DNAH9: variants seen among roughly 807,000 people sequenced by gnomAD.
The protein encoded by DNAH9 is dynein axonemal heavy chain 9.
A neutral mutation model predicts 471.6 loss-of-function variants in DNAH9; 345 were observed. The observed-to-expected ratio is 0.73, with a 90% CI of 0.67 to 0.80. The LOEUF (loss-of-function observed/expected upper bound fraction) is 0.80. Among genes scored for constraint, DNAH9 ranks in the 30% least tolerant of loss-of-function variants. DNAH9 has a pLI of 0.00. For synonymous variants in DNAH9, 2,093 were observed against 2,123.6 expected (o/e 0.99, Z 0.40); for missense variants, 5,407 against 5,609.2 (o/e 0.96, Z 1.15).
At chr17:11,837,659 A>G (rs146671937) in intron 49 of DNAH9, among the ~76,000 whole-genome samples, 1,808 of 152,318 alleles carry the variant, frequency 0.012, 31 homozygotes, top group African/African-American at 0.04. Flanking sequence ...TTTGTAAAAC[A>G]GGTGTTTGAC....
At chr17:11,648,280 C>T (rs1170701438) in intron 12 of DNAH9, among the ~76,000 whole-genome samples, 5 of 152,200 alleles carry the variant, frequency 3.3e-5, no homozygotes, top group African/African-American at 1.2e-4. Flanking sequence ...ACATTGCTTC[C>T]TCCTCTGCAA....
At chr17:11,828,600 A>G (rs1319743616) in intron 48 of DNAH9, among the ~76,000 whole-genome samples, 3 of 151,996 alleles carry the variant, frequency 2.0e-5, no homozygotes, top group Admixed American at 6.6e-5. Flanking sequence ...GACCAGCACT[A>G]CCCTTGCATA....
At chr17:11,721,257 T>C (rs1265096196) in intron 27 of DNAH9, among the ~76,000 whole-genome samples, 1 of 151,884 alleles carries the variant, frequency 6.6e-6, no homozygotes, top group Non-Finnish European at 1.5e-5. Context: ...TCTATCTTTG[T>C]TTTTTTTGTT....
chr17:11,639,202 G>T (rs973297069), intron 9 of DNAH9, among the ~76,000 whole-genome samples: 3 of 152,126 alleles, frequency 2.0e-5, no homozygotes, highest in African/African-American at 7.2e-5. Flanking sequence ...GGTCATTGGG[G>T]GTCATCTTAG....
At chr17:11,938,937 A>G (rs1567563841) in intron 66 of DNAH9, among the ~76,000 whole-genome samples, 1 of 152,196 alleles carries the variant, frequency 6.6e-6, no homozygotes. Context: ...CATTAGGTTT[A>G]CAAGTAAACA....
chr17:11,818,885 C>CTATTATTATTATTAT (rs140324358), intron 45 of DNAH9, among the ~76,000 whole-genome samples: 6 of 147,186 alleles, frequency 4.1e-5, no homozygotes, highest in African/African-American at 1.2e-4. Flanking sequence ...TCCATTATTA[C>CTATTATTATTATTAT]TATTATTATT....
chr17:11,942,303 G>A lies in DNAH9; in HGVS notation c.12661G>A (p.Val4221Ile), dbSNP rs774681469. Reference protein sequence around the residue: ...DGAGATREEKVKALLEEILER... With the variant: ...DGAGATREEKIKALLEEILER... ...CGCTGTGTTTCCTTCTGTGGGGCAG[G>A]TCAAGGCACTTCTGGAAGAAATATT... The change falls in exon 67 of 69, where the codon GTC becomes ATC. Residue 4221 changes from valine to isoleucine, a missense_variant and splice_region_variant. By Grantham distance (29) the Val-to-Ile change is conservative (BLOSUM62 3). Transcript: ENST00000262442. 3.1e-6 allele frequency: 5 copies of A among 1,613,748 alleles called. No individual in the cohort carries two copies. The Admixed American group carries it at 6.7e-5, about 22-fold the overall frequency.
chr17:11,911,291 A>G (rs1197721557), intron 61 of DNAH9, among the ~76,000 whole-genome samples: 2 of 152,190 alleles, frequency 1.3e-5, no homozygotes, highest in African/African-American at 4.8e-5. Flanking sequence ...TGAAAAGACT[A>G]TTCTTTCCCG....
At chr17:11,729,812 A>G (rs1294105296) in intron 28 of DNAH9, among the ~76,000 whole-genome samples, 1 of 152,096 alleles carries the variant, frequency 6.6e-6, no homozygotes, top group Non-Finnish European at 1.5e-5. Flanking sequence ...CTCATCCCAT[A>G]CCTTTTCACA....
At position 11,908,957 on chromosome 17, in the gene DNAH9, T is replaced by G. The variant is rs1351231779; in HGVS notation, c.11749+3148T>G. ...CTGGTTATGTCCTTATCTGGTTGCATGCAGTCTCTACTGATTAGGCAAACA... is the reference window on the plus strand; with the variant it reads ...CTGGTTATGTCCTTATCTGGTTGCAGGCAGTCTCTACTGATTAGGCAAACA... On this transcript the variant is annotated intron_variant, in intron 61 of 68. Transcript: ENST00000262442. Among the ~76,000 whole-genome samples, 15 of 152,238 alleles carry G rather than the reference T, an allele frequency of 9.9e-5. No individual in the cohort carries two copies. The East Asian group carries it at 2.9e-3, about 29-fold the overall frequency.
At chr17:11,741,442 AT>A (rs1161938098) in intron 29 of DNAH9, among the ~76,000 whole-genome samples, 3 of 151,966 alleles carry the variant, frequency 2.0e-5, no homozygotes, top group Admixed American at 2.0e-4. Context: ...AACCGCAATT[AT>A]TTTTGCACCA....
intron 67 of DNAH9, among the ~76,000 whole-genome samples, chr17:11,953,132 T>A (rs562445238): frequency 1.3e-5 from 2 of 152,236 alleles, no homozygotes; most frequent in South Asian, 4.1e-4. Flanking sequence ...TCCAATACAG[T>A]CACATGGAGG....
intron 30 of DNAH9, among the ~76,000 whole-genome samples, chr17:11,742,913 G>A (rs989728159): frequency 6.6e-6 from 1 of 152,160 alleles, no homozygotes. Context: ...TCTCAGCCAT[G>A]TGGAGTCTGT....
At chr17:11,812,056 C>CATATATATATATATACAT (rs371646004) in intron 45 of DNAH9, among the ~76,000 whole-genome samples, 1 of 63,404 alleles carries the variant, frequency 1.6e-5, no homozygotes, top group African/African-American at 6.8e-5. Flanking sequence ...TATATATATA[C>CATATATATATATATACAT]ACATACATAC....
chr17:11,757,766 G>C, intron 35 of DNAH9, 74 bp downstream of exon 35: 1 of 1,497,678 alleles, frequency 6.7e-7, no homozygotes, highest in Non-Finnish European at 9.1e-7. Flanking sequence ...CTAGTGTCCT[G>C]CTGATGTTCT....
intron 28 of DNAH9, among the ~76,000 whole-genome samples, chr17:11,736,215 G>T (rs1046371230): frequency 6.6e-6 from 1 of 152,132 alleles, no homozygotes; most frequent in Non-Finnish European, 1.5e-5. Context: ...AAAAGCTTGG[G>T]ATGGAATAAT....
chr17:11,731,569 G>A (rs1290617151), intron 28 of DNAH9, among the ~76,000 whole-genome samples: 1 of 117,894 alleles, frequency 8.5e-6, no homozygotes, highest in African/African-American at 3.3e-5. Context: ...CCAACAACAG[G>A]CCCCAGTGTG....
chr17:11,654,535 C>A (rs547924479), intron 14 of DNAH9, among the ~76,000 whole-genome samples: 1 of 151,584 alleles, frequency 6.6e-6, no homozygotes, highest in Non-Finnish European at 1.5e-5. Context: ...AGCACAGTGA[C>A]CTAGAAAAAA....
At chr17:11,927,549 G>C (rs746935244) in intron 62 of DNAH9, among the ~76,000 whole-genome samples, 1 of 152,110 alleles carries the variant, frequency 6.6e-6, no homozygotes, top group African/African-American at 2.4e-5. Flanking sequence ...CAGGTTTGTC[G>C]AAGATCTGAT....
Sources: gnomAD v4.1 joint callset for allele counts (sites outside exome capture counted in the v4.1 genomes callset) on GRCh38, gnomAD v4.1.1 for gene constraint, MANE v1.5 for transcripts, NCBI Gene and HGNC (gene_info 2026-07-23, HGNC 2026-07-21) for gene names.